DPYSL5: variants seen among roughly 807,000 people sequenced by gnomAD.
DPYSL5 encodes dihydropyrimidinase-related protein 5.
Under a neutral mutation model 58.4 loss-of-function variants are expected in DPYSL5, and 9 were observed. The observed-to-expected ratio is 0.15, with a 90% CI of 0.09 to 0.27. DPYSL5 has a LOEUF of 0.27. DPYSL5 is among the 10% of genes least tolerant of loss of function. The pLI is 1.00. For synonymous variants in DPYSL5, 293 were observed against 301.9 expected, an observed-to-expected ratio of 0.97 and a Z score of 0.31; for missense variants, 499 against 770.6, an observed-to-expected ratio of 0.65 and a Z score of 4.17.
intron 1 of DPYSL5, among the ~76,000 whole-genome samples, chr2:26,895,822 C>G (rs1664004555): frequency 6.8e-6 from 1 of 146,522 alleles, no homozygotes; most frequent in Middle Eastern, 3.4e-3. Flanking sequence ...GCTGTGTCGC[C>G]CAGGCTGAAG....
chr2:26,924,932 C>G lies in DPYSL5; in HGVS notation c.307C>G (p.Pro103Ala). Residue 103 changes from proline to alanine, a missense_variant, in exon 3 of 13, where the codon CCC becomes GCC. Coordinates refer to ENST00000288699, the MANE Select transcript of DPYSL5 (RefSeq NM_020134.4). The surrounding 1 kb of genome is among the most constrained non-coding windows in gnomAD (Gnocchi z 4.7). ...CACCATGATCATCGGCCACGTCCTG[C>G]CCGACAAGGAGACCTCCCTTGTGGA... ...GTTMIIGHVL[P>A]DKETSLVDAY... 6.2e-7 allele frequency: 1 copy of G among 1,614,178 alleles called. No individual in the cohort carries two copies. The highest frequency in any genetic ancestry group is 8.5e-7 in the Non-Finnish European group (1 of 1,180,022).
intron 5 of DPYSL5, among the ~76,000 whole-genome samples, chr2:26,931,171 G>A (rs867885153): frequency 0.014 from 1,087 of 75,224 alleles, 19 homozygotes; most frequent in African/African-American, 0.057. Context: ...ATATATATAT[G>A]TGTGTGTGTG....
At chr2:26,879,568 C>T (rs538748690) in intron 1 of DPYSL5, among the ~76,000 whole-genome samples, 8 of 151,982 alleles carry the variant, frequency 5.3e-5, no homozygotes, top group South Asian at 4.2e-4. Flanking sequence ...ATCACCTCCA[C>T]GTCATTATCT....
At chr2:26,869,722 A>T (rs1193488040) in intron 1 of DPYSL5, among the ~76,000 whole-genome samples, 2 of 152,144 alleles carry the variant, frequency 1.3e-5, no homozygotes, top group East Asian at 3.8e-4. Context: ...ACTATAACAT[A>T]ATGTATCGGC....
intron 1 of DPYSL5, among the ~76,000 whole-genome samples, chr2:26,851,150 A>G (rs1453070947): frequency 6.6e-6 from 1 of 152,182 alleles, no homozygotes; most frequent in East Asian, 1.9e-4. Context: ...AATGGGAAAC[A>G]TGTTTTCATA....
rs1242778198 is a variant in DPYSL5 at position 26,849,679 on chromosome 2, C to A, written c.-5+1425C>A. On this transcript the variant is annotated intron_variant, in intron 1 of 12. Coordinates refer to ENST00000288699, the MANE Select transcript of DPYSL5 (RefSeq NM_020134.4). This position sits in a 1 kb window ranked among gnomAD's most constrained non-coding sequence, Gnocchi z 6.2. ...GGGAGACCCGGAGAACAATAGCCGACCCTGGTGTCCATCCGACGACAAACC... is the reference window on the plus strand; with the variant it reads ...GGGAGACCCGGAGAACAATAGCCGAACCTGGTGTCCATCCGACGACAAACC... Among the ~76,000 whole-genome samples the A allele has an allele frequency of 6.6e-6, 1 of 152,356 alleles. No homozygotes were observed. The highest frequency in any genetic ancestry group is 1.5e-5 in the Non-Finnish European group (1 of 68,020).
At position 26,942,216 on chromosome 2, in the gene DPYSL5, C is replaced by A; in HGVS notation, c.1232+124C>A. ...TAGCACAAAATATGGCCCTGGCCTACCGTTGGCCATCTTCTCCCTCCATCT... is the reference window on the plus strand; with the variant it reads ...TAGCACAAAATATGGCCCTGGCCTAACGTTGGCCATCTTCTCCCTCCATCT... On this transcript the variant is annotated intron_variant, in intron 10 of 12. Coordinates refer to ENST00000288699, the MANE Select transcript of DPYSL5 (RefSeq NM_020134.4). The surrounding 1 kb of genome is among the most constrained non-coding windows in gnomAD (Gnocchi z 5.9). 1 of 1,408,978 alleles carries A rather than the reference C, an allele frequency of 7.1e-7. No homozygotes were observed. Among genetic ancestry groups the A allele is most frequent in the Non-Finnish European group, 9.6e-7 (1 of 1,039,882 alleles). 87.3% of individuals were successfully genotyped at this position (1,408,978 alleles called of 1,614,324 possible).
intron 1 of DPYSL5, among the ~76,000 whole-genome samples, chr2:26,855,585 G>A (rs924210656): frequency 1.3e-5 from 2 of 152,146 alleles, no homozygotes; most frequent in East Asian, 1.9e-4. Context: ...AGGGGTTGAG[G>A]TCTGTTGCTG....
At chr2:26,931,203 G>GTATATATATATATATATA (rs373034710) in intron 5 of DPYSL5, among the ~76,000 whole-genome samples, 477 of 44,848 alleles carry the variant, frequency 0.011, 27 homozygotes, top group Non-Finnish European at 0.016. Flanking sequence ...GTGTGTGTGT[G>GTATATATATATATATATA]TATATATATA....
At chr2:26,937,121 A>C (rs1237629967) in intron 8 of DPYSL5, among the ~76,000 whole-genome samples, 4 of 152,060 alleles carry the variant, frequency 2.6e-5, no homozygotes, top group African/African-American at 4.8e-5. Flanking sequence ...AAGAACAAAA[A>C]AGATAATAAG....
In DPYSL5 at chr2:26,944,460, A is replaced by G. The variant is rs1232864612; in HGVS notation, c.1441-196A>G. ...CATGCACACATGTACACATATGCAC[A>G]TGCTCTTTAGGAGGTATGAGAAAAC... On this transcript the variant is annotated intron_variant, in intron 11 of 12. Coordinates refer to ENST00000288699, the MANE Select transcript of DPYSL5 (RefSeq NM_020134.4). The surrounding 1 kb of genome is among the most constrained non-coding windows in gnomAD (Gnocchi z 4.4). 6.6e-6 allele frequency among the ~76,000 whole-genome samples: 1 copy of G among 152,140 alleles called. No individual in the cohort carries two copies. The highest frequency in any genetic ancestry group is 1.5e-5 in the Non-Finnish European group (1 of 68,016).
At chr2:26,876,679 C>T (rs762021106) in intron 1 of DPYSL5, among the ~76,000 whole-genome samples, 1 of 152,020 alleles carries the variant, frequency 6.6e-6, no homozygotes, top group Non-Finnish European at 1.5e-5. Context: ...CCACGCCTGG[C>T]TAACTTTTGT....
chr2:26,910,604 TTTC>T lies in DPYSL5; in HGVS notation c.261+11856_261+11858del, dbSNP rs1240278958. On this transcript the variant is annotated intron_variant, in intron 2 of 12. Transcript: ENST00000288699. The stretch of plus-strand genomic sequence containing the variant: ...ATATAAGAGTTGTTTTCTTTTTTTC[TTTC>T]TTCTTCTTCTTTTTTTTTTTTTTTT... 8.9e-5 allele frequency among the ~76,000 whole-genome samples: 13 copies of T among 145,334 alleles called. 1 individual carries two copies. The highest frequency in any genetic ancestry group is 5.9e-4 in the East Asian group (3 of 5,078).
intron 2 of DPYSL5, among the ~76,000 whole-genome samples, chr2:26,918,470 TA>T: frequency 8.0e-6 from 1 of 125,480 alleles, no homozygotes; most frequent in Non-Finnish European, 1.7e-5. Context: ...CCGAGCTGGT[TA>T]TTTTTTTTTT....
chr2:26,853,042 G>A (rs528196538), intron 1 of DPYSL5, among the ~76,000 whole-genome samples: 6 of 152,246 alleles, frequency 3.9e-5, no homozygotes, highest in African/African-American at 1.4e-4. Context: ...GAATGATTAG[G>A]ACTCCTTTCT....
At chr2:26,918,653 C>T (rs1284131644) in intron 2 of DPYSL5, among the ~76,000 whole-genome samples, 1 of 152,196 alleles carries the variant, frequency 6.6e-6, no homozygotes, top group Non-Finnish European at 1.5e-5. Context: ...TACCAGTTTA[C>T]AGAGCACATC....
intron 2 of DPYSL5, among the ~76,000 whole-genome samples, chr2:26,922,276 A>T (rs1415349498): frequency 1.3e-5 from 2 of 152,238 alleles, no homozygotes; most frequent in Non-Finnish European, 2.9e-5. Flanking sequence ...AGGCTGCAGG[A>T]TCAATTCAGG....
chr2:26,931,187 G>GTATA (rs1664970603), intron 5 of DPYSL5, among the ~76,000 whole-genome samples: 1 of 61,924 alleles, frequency 1.6e-5, no homozygotes, highest in South Asian at 7.1e-4. Flanking sequence ...GTGTGTGTGT[G>GTATA]TGTGTGTGTG....
intron 1 of DPYSL5, among the ~76,000 whole-genome samples, chr2:26,893,211 G>A (rs1663931990): frequency 6.6e-6 from 1 of 152,198 alleles, no homozygotes; most frequent in South Asian, 2.1e-4. Flanking sequence ...AGAACCTGGT[G>A]GTTGAGGCTC....
Sources: allele counts gnomAD v4.1 joint callset (sites outside exome capture counted in the v4.1 genomes callset), GRCh38; gene constraint gnomAD v4.1.1; non-coding constraint Gnocchi (gnomAD v3.1); transcripts MANE v1.5; gene names NCBI Gene and HGNC (gene_info 2026-07-23, HGNC 2026-07-21).